NCOA2: variants seen among roughly 807,000 people sequenced by gnomAD.
NCOA2 encodes the protein class E basic helix-loop-helix protein 75.
Under a neutral mutation model 145.1 loss-of-function variants are expected in NCOA2, and 21 were observed. The observed-to-expected ratio is 0.14, with a 90% CI of 0.10 to 0.21. The LOEUF (loss-of-function observed/expected upper bound fraction) is 0.21. Among genes scored for constraint, NCOA2 ranks in the 10% least tolerant of loss-of-function variants. NCOA2 has a pLI of 1.00. For missense variants in NCOA2, 1,472 were observed against 1,837.6 expected, an observed-to-expected ratio of 0.80 and a Z score of 3.64; for synonymous variants, 619 against 637.5, an observed-to-expected ratio of 0.97 and a Z score of 0.44.
chr8:70,182,169 A>C (rs1001883673), intron 4 of NCOA2, among the ~76,000 whole-genome samples: 2 of 152,242 alleles, frequency 1.3e-5, no homozygotes, highest in African/African-American at 4.8e-5. Flanking sequence ...AAGCTGCTGA[A>C]GTCTCCTGCC....
chr8:70,128,690 C>G lies in NCOA2; in HGVS notation c.3603+12G>C, dbSNP rs56164917. On this transcript the variant is annotated intron_variant, in intron 17 of 22. Coordinates refer to ENST00000452400, the MANE Select transcript of NCOA2 (RefSeq NM_006540.4). ...GCACCCCTGACTTCCCAGGTGCCAT[C>G]GAAGAACAGACCTGCTGTGCTTGGA... is the stretch of plus-strand genomic sequence containing the variant. 1.2e-6 allele frequency: 2 copies of G among 1,611,110 alleles called. No homozygotes were observed. Among genetic ancestry groups the G allele is most frequent in the African/African-American group, 2.7e-5 (2 of 74,874 alleles).
chr8:70,187,424 C>A (rs185148228), intron 4 of NCOA2, among the ~76,000 whole-genome samples: 1 of 152,130 alleles, frequency 6.6e-6, no homozygotes, highest in South Asian at 2.1e-4. Context: ...ATATCGGTTA[C>A]GTGCTCTCAA....
chr8:70,226,851 A>T (rs1211588221), intron 2 of NCOA2, among the ~76,000 whole-genome samples: 2 of 152,144 alleles, frequency 1.3e-5, no homozygotes, highest in African/African-American at 2.4e-5. Flanking sequence ...AATATATCTA[A>T]ATCACAAGAG....
At chr8:70,290,243 G>C (rs1210325595) in intron 2 of NCOA2, among the ~76,000 whole-genome samples, 3 of 144,108 alleles carry the variant, frequency 2.1e-5, no homozygotes, top group Non-Finnish European at 4.5e-5. Flanking sequence ...CTAGAGTGCA[G>C]TGGCGCGATT....
At position 70,112,598 on chromosome 8, in the gene NCOA2, A is replaced by T. The variant is rs1279748932; in HGVS notation, c.*1034T>A. ...TTCCAAAGCAGGTATCCTTAGCTCG[A>T]TTGGTATCAAGCCTTAACTTTGCTC... On this transcript the variant is annotated 3_prime_UTR_variant, in exon 23 of 23. Transcript: ENST00000452400. 4.9e-6 allele frequency: 1 copy of T among 204,330 alleles called. No homozygotes were observed. The highest frequency in any genetic ancestry group is 1.0e-5 in the Non-Finnish European group (1 of 99,996). The allele number at this position is 204,330 out of a possible 1,614,324, so 12.7% of individuals were successfully genotyped here.
At chr8:70,200,180 C>A (rs1188065659) in intron 4 of NCOA2, among the ~76,000 whole-genome samples, 2 of 152,156 alleles carry the variant, frequency 1.3e-5, no homozygotes, top group East Asian at 3.9e-4. Context: ...ACATAAGCAT[C>A]CAAGGATTTT....
At chr8:70,254,186 A>G (rs1347068674) in intron 2 of NCOA2, among the ~76,000 whole-genome samples, 3 of 152,242 alleles carry the variant, frequency 2.0e-5, no homozygotes, top group Non-Finnish European at 2.9e-5. Flanking sequence ...TAAGAAGCAC[A>G]ATAAGATACT....
At chr8:70,419,683 C>T in the NCOA2 span, among the ~76,000 whole-genome samples, 2 of 152,054 alleles carry the variant, frequency 1.3e-5, no homozygotes, top group Non-Finnish European at 2.9e-5. Context: ...ACTCTCCTTT[C>T]CTATAATCCT....
intron 1 of NCOA2, among the ~76,000 whole-genome samples, chr8:70,398,041 G>C (rs1329736422): frequency 2.0e-5 from 3 of 152,264 alleles, no homozygotes; most frequent in East Asian, 3.9e-4. Flanking sequence ...CTCTGTAATG[G>C]ATGGTTTATA....
At chr8:70,262,735 A>G (rs1029941958) in intron 2 of NCOA2, among the ~76,000 whole-genome samples, 1 of 152,210 alleles carries the variant, frequency 6.6e-6, no homozygotes, top group Non-Finnish European at 1.5e-5. Flanking sequence ...CTATAATTTC[A>G]GCCTTGATGC....
At chr8:70,125,860 C>T (rs1720978356) in intron 19 of NCOA2, among the ~76,000 whole-genome samples, 1 of 152,146 alleles carries the variant, frequency 6.6e-6, no homozygotes, top group Non-Finnish European at 1.5e-5. Flanking sequence ...TTTTCTAAAT[C>T]ATCAAGAAGG....
chr8:70,231,593 A>G (rs1198917398), intron 2 of NCOA2, among the ~76,000 whole-genome samples: 1 of 152,228 alleles, frequency 6.6e-6, no homozygotes, highest in African/African-American at 2.4e-5. Context: ...CTAGATGACA[A>G]TGGAAAACTG....
intron 1 of NCOA2, among the ~76,000 whole-genome samples, chr8:70,351,555 C>T (rs1330972665): frequency 6.7e-6 from 1 of 150,144 alleles, no homozygotes; most frequent in Non-Finnish European, 1.5e-5. Context: ...GGTTTCTTGA[C>T]TTGAGAGCAT....
Position 70,301,655 on chromosome 8 carries a change from CAAAA to C in NCOA2, c.-76-4859_-76-4856del, listed in dbSNP as rs71275063. Among the ~76,000 whole-genome samples the C allele has an allele frequency of 8.0e-4, 48 of 60,166 alleles. No homozygotes were observed. The South Asian group carries it at 0.021, about 27-fold the overall frequency. The allele number at this position is 60,166 out of a possible 152,430, so 39.5% of individuals were successfully genotyped here. ...TAGGTGACAGAGTGAGACCCTTTCT[CAAAA>C]AAAAAAAAAAAAAAAAAAAAAGAAA... On this transcript the variant is annotated intron_variant, in intron 1 of 22. Coordinates refer to ENST00000452400, the MANE Select transcript of NCOA2 (RefSeq NM_006540.4).
intron 1 of NCOA2, among the ~76,000 whole-genome samples, chr8:70,322,914 G>A (rs1164425900): frequency 6.6e-6 from 1 of 152,194 alleles, no homozygotes; most frequent in African/African-American, 2.4e-5. Context: ...GATATTTTTA[G>A]ACTTGTATTT....
chr8:70,194,460 T>C (rs1031917981), intron 4 of NCOA2, among the ~76,000 whole-genome samples: 1 of 152,176 alleles, frequency 6.6e-6, no homozygotes, highest in Non-Finnish European at 1.5e-5. Flanking sequence ...AGGCCAGTGT[T>C]GTTTATCTAG....
intron 22 of NCOA2, among the ~76,000 whole-genome samples, chr8:70,117,413 C>T (rs935256015): frequency 1.3e-5 from 2 of 152,264 alleles, no homozygotes. Flanking sequence ...TCCCTTCCCT[C>T]GCTCTGGGAG....
intron 15 of NCOA2, among the ~76,000 whole-genome samples, chr8:70,135,956 C>T (rs1269702655): frequency 6.6e-6 from 1 of 152,180 alleles, no homozygotes; most frequent in Non-Finnish European, 1.5e-5. Context: ...ATTACCATTT[C>T]TTCACTTTTC....
At chr8:70,294,987 A>G (rs1340590657) in intron 2 of NCOA2, among the ~76,000 whole-genome samples, 2 of 152,212 alleles carry the variant, frequency 1.3e-5, no homozygotes, top group African/African-American at 4.8e-5. Context: ...AATAATTCTT[A>G]AAGGTCAGAC....
Sources: allele counts gnomAD v4.1 joint callset (sites outside exome capture counted in the v4.1 genomes callset), GRCh38; gene constraint gnomAD v4.1.1; transcripts MANE v1.5; gene names NCBI Gene and HGNC (gene_info 2026-07-23, HGNC 2026-07-21).